Variants in RBFOX1 observed in about 807,000 individuals in gnomAD.
RBFOX1 encodes the protein RNA binding fox-1 homolog 1.
In RBFOX1, 8 loss-of-function variants were observed where a neutral mutation model predicts 57.7. The observed-to-expected ratio is 0.14, with a 90% CI of 0.08 to 0.25. The LOEUF (loss-of-function observed/expected upper bound fraction) is 0.25. Among genes scored for constraint, RBFOX1 ranks in the 10% least tolerant of loss-of-function variants. The pLI is 1.00. For synonymous variants in RBFOX1, 326 were observed against 222.4 expected (o/e 1.47, Z -4.15); for missense variants, 611 against 548.5 (o/e 1.11, Z -1.14).
At chr16:7,165,843 T>A (rs2079363806) in intron 4 of RBFOX1, among the ~76,000 whole-genome samples, 1 of 152,010 alleles carries the variant, frequency 6.6e-6, no homozygotes, top group East Asian at 1.9e-4. Flanking sequence ...AATGAAGAGA[T>A]GGATGATATT....
chr16:5,758,955 G>C (rs1242852198), intron 3 of RBFOX1, among the ~76,000 whole-genome samples: 1 of 152,190 alleles, frequency 6.6e-6, no homozygotes, highest in Non-Finnish European at 1.5e-5. Flanking sequence ...GGTTGTGAGA[G>C]GGGCAGTGTG....
At chr16:7,369,060 G>A (rs2097521679) in intron 4 of RBFOX1, among the ~76,000 whole-genome samples, 1 of 151,976 alleles carries the variant, frequency 6.6e-6, no homozygotes, top group Admixed American at 6.5e-5. Context: ...GGTGGTAGAA[G>A]TCGTAATGAA....
intron 3 of RBFOX1, among the ~76,000 whole-genome samples, chr16:6,993,451 A>T (rs1413057417): frequency 1.3e-5 from 2 of 152,200 alleles, no homozygotes; most frequent in African/African-American, 4.8e-5. Context: ...TGAGGGATCC[A>T]TCAGAGTGGG....
At position 5,506,999 on chromosome 16, in the gene RBFOX1, C is replaced by G. The variant is rs114827297; in HGVS notation, c.258+39745C>G. ...CAGATCTCAAAGCCTATTCTGTTCT[C>G]TACCTTTTTGTTTTCTTCATAATGG... On this transcript the variant is annotated intron_variant, in intron 2 of 2. Coordinates refer to the RBFOX1 transcript ENST00000585867. Among the ~76,000 whole-genome samples, 737 of 152,242 alleles carry G rather than the reference C, an allele frequency of 4.8e-3. 11 individuals are homozygous for G. Among genetic ancestry groups the G allele is most frequent in the African/African-American group, 0.017 (709 of 41,522 alleles).
At chr16:7,124,280 G>A (rs911814925) in intron 4 of RBFOX1, among the ~76,000 whole-genome samples, 11 of 151,980 alleles carry the variant, frequency 7.2e-5, no homozygotes, top group African/African-American at 2.7e-4. Context: ...CAGGTGTAGT[G>A]GTGTGTGCCT....
chr16:6,956,610 A>T (rs1003573544), intron 3 of RBFOX1, among the ~76,000 whole-genome samples: 4 of 152,198 alleles, frequency 2.6e-5, no homozygotes, highest in Admixed American at 6.5e-5. Context: ...GAGTGGTTCA[A>T]ATCCACAGCC....
At chr16:5,384,198 A>G (rs968046215) in intron 1 of RBFOX1, among the ~76,000 whole-genome samples, 1 of 152,216 alleles carries the variant, frequency 6.6e-6, no homozygotes, top group African/African-American at 2.4e-5. Flanking sequence ...GACTGGCCAC[A>G]CATGGGTACA....
At chr16:7,355,639 C>G (rs1370625903) in intron 4 of RBFOX1, among the ~76,000 whole-genome samples, 2 of 152,190 alleles carry the variant, frequency 1.3e-5, no homozygotes, top group Non-Finnish European at 2.9e-5. Flanking sequence ...CAGGTCCACT[C>G]TATCATTCTA....
At position 7,129,790 on chromosome 16, in the gene RBFOX1, A is replaced by T. The variant is rs12599652; in HGVS notation, c.27+77692A>T. Among the ~76,000 whole-genome samples the T allele has an allele frequency of 1.8e-4, 26 of 148,396 alleles. No homozygotes were observed. In the East Asian group the frequency reaches 5.0e-3, roughly 29 times the overall value. The stretch of plus-strand genomic sequence containing the variant: ...CTAGCTGCAAAGAGACATTTATCAC[A>T]CTGAAAAAAAAAATGAGTGAATGGT... On this transcript the variant is annotated intron_variant, in intron 4 of 15. Transcript: ENST00000550418.
intron 1 of RBFOX1, among the ~76,000 whole-genome samples, chr16:5,254,050 T>C (rs2062523428): frequency 6.6e-6 from 1 of 152,248 alleles, no homozygotes; most frequent in Non-Finnish European, 1.5e-5. Flanking sequence ...AAGACTGTGG[T>C]CACTGTGAGG....
intron 4 of RBFOX1, among the ~76,000 whole-genome samples, chr16:7,361,987 G>C (rs1013759622): frequency 1.3e-5 from 2 of 151,966 alleles, no homozygotes; most frequent in Non-Finnish European, 2.9e-5. Flanking sequence ...GTGTGTGTAT[G>C]TGTGTTAGTG....
intron 2 of RBFOX1, among the ~76,000 whole-genome samples, chr16:6,433,261 G>A (rs2094146437): frequency 6.6e-6 from 1 of 152,220 alleles, no homozygotes; most frequent in African/African-American, 2.4e-5. Context: ...AAAGACAAGA[G>A]TCAGAAATGA....
intron 3 of RBFOX1, among the ~76,000 whole-genome samples, chr16:5,642,167 A>T (rs918741339): frequency 6.6e-6 from 1 of 152,330 alleles, no homozygotes; most frequent in Middle Eastern, 3.4e-3. Context: ...TCATTGAATC[A>T]GTCTGTCGGG....
At chr16:7,360,276 A>G (rs956570194) in intron 4 of RBFOX1, among the ~76,000 whole-genome samples, 2 of 152,288 alleles carry the variant, frequency 1.3e-5, no homozygotes, top group South Asian at 2.1e-4. Context: ...GAATTCTTAG[A>G]ATAGACTCAA....
chr16:6,649,608 A>C (rs1201904316), intron 2 of RBFOX1, among the ~76,000 whole-genome samples: 2 of 152,214 alleles, frequency 1.3e-5, no homozygotes, highest in East Asian at 3.8e-4. Flanking sequence ...GAATGAGAAC[A>C]TGCAATGTTT....
intron 4 of RBFOX1, among the ~76,000 whole-genome samples, chr16:7,137,038 C>T (rs529267195): frequency 1.3e-5 from 2 of 152,288 alleles, no homozygotes; most frequent in African/African-American, 4.8e-5. Context: ...CACTAAGTTC[C>T]TATTTGTATC....
At chr16:7,433,286 A>C (rs74012579) in intron 4 of RBFOX1, among the ~76,000 whole-genome samples, 1 of 152,208 alleles carries the variant, frequency 6.6e-6, no homozygotes, top group Non-Finnish European at 1.5e-5. Flanking sequence ...GTCCAGTTCT[A>C]ATTCAAACCC....
intron 3 of RBFOX1, among the ~76,000 whole-genome samples, chr16:6,720,043 A>C (rs1339304435): frequency 6.6e-6 from 1 of 151,946 alleles, no homozygotes; most frequent in African/African-American, 2.4e-5. Context: ...GCAGTGAGCC[A>C]AGATCATGCC....
At chr16:6,807,395 G>A (rs929788766) in intron 3 of RBFOX1, among the ~76,000 whole-genome samples, 3 of 152,120 alleles carry the variant, frequency 2.0e-5, no homozygotes, top group Non-Finnish European at 2.9e-5. Context: ...TGCATTTAGG[G>A]TTGGTTGACT....
Sources: allele counts gnomAD v4.1 joint callset (sites outside exome capture counted in the v4.1 genomes callset), GRCh38; gene constraint gnomAD v4.1.1; transcripts MANE v1.5; gene names NCBI Gene and HGNC (gene_info 2026-07-23, HGNC 2026-07-21).